SGCD: variants seen among roughly 807,000 people sequenced by gnomAD.
SGCD encodes sarcoglycan delta.
In SGCD, 18 loss-of-function variants were observed where a neutral mutation model predicts 36.6. That is an observed-to-expected ratio of 0.49 (90% CI 0.34 to 0.73). SGCD has a LOEUF of 0.73. Among genes scored for constraint, SGCD ranks in the 30% least tolerant of loss-of-function variants. The pLI, the probability that SGCD is intolerant of heterozygous loss-of-function variation, is 0.01. For missense variants in SGCD, 387 were observed against 346.7 expected (o/e 1.12, Z -0.92); for synonymous variants, 133 against 130.6 (o/e 1.02, Z -0.12).
chr5:155,885,327 C>T (rs1390653305), intron 1 of SGCD, among the ~76,000 whole-genome samples: 1 of 115,866 alleles, frequency 8.6e-6, no homozygotes, highest in Non-Finnish European at 1.7e-5. Flanking sequence ...GAGACAGAAG[C>T]AGGCAAGCAT....
At chr5:156,668,534 A>G (rs186908683) in intron 7 of SGCD, among the ~76,000 whole-genome samples, 50 of 152,302 alleles carry the variant, frequency 3.3e-4, no homozygotes, top group African/African-American at 1.1e-3. Context: ...TGATATATTT[A>G]TCTAAAACTC....
rs185296638 is a variant in SGCD, at chr5:155,961,168, T to C, written c.-282+90744T>C. Among the ~76,000 whole-genome samples the C allele has an allele frequency of 8.5e-5, 13 of 152,270 alleles. No homozygotes were observed. The East Asian group carries it at 2.3e-3, about 27-fold the overall frequency. ...ACTTGGTTTAGACTATTCCCTCTAATGTAGCTTTGCTGTTAAATAGTTAAT... is the reference window on the plus strand; with the variant it reads ...ACTTGGTTTAGACTATTCCCTCTAACGTAGCTTTGCTGTTAAATAGTTAAT... On this transcript the variant is annotated intron_variant, in intron 1 of 9. Coordinates refer to the SGCD transcript ENST00000517913.
intron 3 of SGCD, among the ~76,000 whole-genome samples, chr5:156,491,177 A>T (rs1755921277): frequency 6.6e-6 from 1 of 152,100 alleles, no homozygotes; most frequent in Admixed American, 6.6e-5. Context: ...TAAAACACTG[A>T]TGAAAGAAAT....
At chr5:156,697,026 T>C (rs1754348306) in intron 7 of SGCD, among the ~76,000 whole-genome samples, 1 of 151,760 alleles carries the variant, frequency 6.6e-6, no homozygotes, top group Non-Finnish European at 1.5e-5. Context: ...TCTGGACCTA[T>C]TAAACAGCAC....
At chr5:155,906,105 A>G (rs1756505682) in intron 1 of SGCD, among the ~76,000 whole-genome samples, 1 of 152,148 alleles carries the variant, frequency 6.6e-6, no homozygotes, top group Non-Finnish European at 1.5e-5. Context: ...TTATTATTAT[A>G]TCTGATATAA....
At chr5:156,202,794 A>T (rs17053330) in intron 3 of SGCD, among the ~76,000 whole-genome samples, 1 of 147,934 alleles carries the variant, frequency 6.8e-6, no homozygotes, top group South Asian at 2.2e-4. Context: ...ACTGCAGTTT[A>T]AACCTGATTG....
chr5:156,532,322 A>C (rs1414701865), intron 4 of SGCD, among the ~76,000 whole-genome samples: 1 of 152,178 alleles, frequency 6.6e-6, no homozygotes, highest in Non-Finnish European at 1.5e-5. Context: ...ACTAGATGTG[A>C]AAGTACTTTG....
At chr5:156,515,715 C>G (rs1757129757) in intron 4 of SGCD, among the ~76,000 whole-genome samples, 1 of 152,250 alleles carries the variant, frequency 6.6e-6, no homozygotes, top group Admixed American at 6.5e-5. Context: ...GCTGTGCAGA[C>G]TCTCAGCAGC....
chr5:156,217,830 C>T lies in SGCD; in HGVS notation c.-44+93811C>T, dbSNP rs535728618. ...GTATGTATGTATATATATATACACA[C>T]ACACACATACATGTGTGAGAATTTT... On this transcript the variant is annotated intron_variant, in intron 3 of 9. Coordinates refer to the SGCD transcript ENST00000517913. Among the ~76,000 whole-genome samples, 4 of 152,244 alleles carry T rather than the reference C, an allele frequency of 2.6e-5. No individual in the cohort carries two copies. The South Asian group carries it at 8.3e-4, about 32-fold the overall frequency.
intron 6 of SGCD, among the ~76,000 whole-genome samples, chr5:156,610,537 C>A (rs566694557): frequency 1.3e-5 from 2 of 152,214 alleles, no homozygotes; most frequent in African/African-American, 4.8e-5. Flanking sequence ...TCTCCAGCTG[C>A]GTGCTGGGAG....
intron 1 of SGCD, among the ~76,000 whole-genome samples, chr5:155,921,334 T>C (rs181182105): frequency 1.3e-5 from 2 of 152,140 alleles, no homozygotes; most frequent in African/African-American, 2.4e-5. Context: ...AATGACCAAA[T>C]AGGACGCAGT....
chr5:155,977,060 C>A (rs563581563), intron 1 of SGCD, among the ~76,000 whole-genome samples: 1 of 152,316 alleles, frequency 6.6e-6, no homozygotes, highest in East Asian at 1.9e-4. Flanking sequence ...TTATCAGCCC[C>A]ATTTCTTAAC....
intron 1 of SGCD, among the ~76,000 whole-genome samples, chr5:155,943,634 T>C (rs1001466473): frequency 1.3e-5 from 2 of 152,186 alleles, no homozygotes; most frequent in Non-Finnish European, 2.9e-5. Context: ...ATGAGATGAT[T>C]AAAGTTTCAC....
At position 155,902,952 on chromosome 5, in the gene SGCD, T is replaced by C. The variant is rs534010822; in HGVS notation, c.-282+32528T>C. ...GATACGAGTTACATGCAATCAGTTT[T>C]ATTTCTTTTGAGCCCTATGTCTACA... On this transcript the variant is annotated intron_variant, in intron 1 of 9. Coordinates refer to the SGCD transcript ENST00000517913. Among the ~76,000 whole-genome samples the C allele has an allele frequency of 1.1e-4, 16 of 152,342 alleles. No homozygotes were observed. In the South Asian group the frequency reaches 3.3e-3, roughly 32 times the overall value.
intron 1 of SGCD, among the ~76,000 whole-genome samples, chr5:155,987,151 T>G (rs1412018558): frequency 1.3e-5 from 2 of 152,170 alleles, no homozygotes; most frequent in Non-Finnish European, 2.9e-5. Context: ...AGAAATAGCT[T>G]ATTTCCAAAA....
At chr5:156,190,173 T>C (rs769470095) in intron 3 of SGCD, among the ~76,000 whole-genome samples, 3 of 152,182 alleles carry the variant, frequency 2.0e-5, no homozygotes, top group Non-Finnish European at 4.4e-5. Context: ...TTTTTTCTTA[T>C]AATGTAAATC....
intron 6 of SGCD, among the ~76,000 whole-genome samples, chr5:156,604,782 T>TTTTATATGTATATATACATATATACACCA (rs1761354648): frequency 1.3e-5 from 2 of 148,360 alleles, no homozygotes; most frequent in Non-Finnish European, 3.0e-5. Context: ...TATATACACA[T>TTTTATATGTATATATACATATATACACCA]TTTATATGTA....
At chr5:156,242,035 G>A (rs1000484007) in intron 3 of SGCD, among the ~76,000 whole-genome samples, 1 of 151,864 alleles carries the variant, frequency 6.6e-6, no homozygotes, top group African/African-American at 2.4e-5. Flanking sequence ...TAAAGTAGGG[G>A]GTTCATACAA....
At chr5:156,382,912 C>T (rs950394856) in intron 3 of SGCD, among the ~76,000 whole-genome samples, 12 of 152,158 alleles carry the variant, frequency 7.9e-5, no homozygotes, top group Admixed American at 6.5e-4. Context: ...GTGACTAAAA[C>T]TAAGGTACTC....
Sources: allele counts gnomAD v4.1 joint callset (sites outside exome capture counted in the v4.1 genomes callset), GRCh38; gene constraint gnomAD v4.1.1; transcripts MANE v1.5; gene names NCBI Gene and HGNC (gene_info 2026-07-23, HGNC 2026-07-21).